NCOA2: variants seen among roughly 807,000 people sequenced by gnomAD.
The protein encoded by NCOA2 is class E basic helix-loop-helix protein 75.
Under a neutral mutation model 145.1 loss-of-function variants are expected in NCOA2, and 21 were observed. That is an observed-to-expected ratio of 0.14 (90% CI 0.10 to 0.21). The LOEUF is 0.21. Among genes scored for constraint, NCOA2 ranks in the 10% least tolerant of loss-of-function variants. NCOA2 has a pLI of 1.00. For synonymous variants in NCOA2, 619 were observed against 637.5 expected, an observed-to-expected ratio of 0.97 and a Z score of 0.44; for missense variants, 1,472 against 1,837.6, an observed-to-expected ratio of 0.80 and a Z score of 3.64.
the NCOA2 span, among the ~76,000 whole-genome samples, chr8:70,422,613 G>C: frequency 6.6e-6 from 1 of 151,948 alleles, no homozygotes; most frequent in South Asian, 2.1e-4. Flanking sequence ...GTCTTACTAT[G>C]TTGCCTAGGA....
chr8:70,220,577 A>G (rs1266805098), intron 2 of NCOA2, among the ~76,000 whole-genome samples: 1 of 152,240 alleles, frequency 6.6e-6, no homozygotes, highest in East Asian at 1.9e-4. Context: ...ATCTCTAAAA[A>G]GTAACAATAT....
chr8:70,121,421 C>T (rs781204883), intron 21 of NCOA2, 30 bp from the exon 22 acceptor site: 48 of 1,558,594 alleles, frequency 3.1e-5, no homozygotes, highest in South Asian at 9.1e-5. Flanking sequence ...ACAGTGGCTA[C>T]GCAGAGCAGA....
chr8:70,165,066 T>C (rs1006338853), intron 7 of NCOA2, among the ~76,000 whole-genome samples: 1 of 152,216 alleles, frequency 6.6e-6, no homozygotes, highest in Non-Finnish European at 1.5e-5. Flanking sequence ...CTTTTAAATG[T>C]ACAAAAAATG....
At chr8:70,280,139 A>G (rs1825763993) in intron 2 of NCOA2, among the ~76,000 whole-genome samples, 1 of 152,168 alleles carries the variant, frequency 6.6e-6, no homozygotes, top group Non-Finnish European at 1.5e-5. Context: ...TATAGTTTAA[A>G]GCTCAGACAA....
chr8:70,287,272 A>AATTC (rs1360698310), intron 2 of NCOA2, among the ~76,000 whole-genome samples: 3 of 152,076 alleles, frequency 2.0e-5, no homozygotes, highest in Non-Finnish European at 4.4e-5. Context: ...TTAATTAATT[A>AATTC]ATTAGGTTTT....
At chr8:70,246,419 C>T (rs1000069842) in intron 2 of NCOA2, among the ~76,000 whole-genome samples, 3 of 151,976 alleles carry the variant, frequency 2.0e-5, no homozygotes, top group African/African-American at 7.3e-5. Context: ...ATGCTGTACA[C>T]GAGGAGACTA....
chr8:70,331,830 CA>C (rs1807133962), intron 1 of NCOA2, among the ~76,000 whole-genome samples: 1 of 152,098 alleles, frequency 6.6e-6, no homozygotes, highest in Non-Finnish European at 1.5e-5. Flanking sequence ...ACAGTCCCAG[CA>C]AAGGCAGTAT....
chr8:70,410,708 T>C, the NCOA2 span, among the ~76,000 whole-genome samples: 2 of 152,190 alleles, frequency 1.3e-5, no homozygotes, highest in Non-Finnish European at 2.9e-5. Flanking sequence ...ATTCGTACAA[T>C]GGAATAGTAC....
the NCOA2 span, among the ~76,000 whole-genome samples, chr8:70,454,941 A>G: frequency 6.6e-6 from 1 of 152,254 alleles, no homozygotes; most frequent in African/African-American, 2.4e-5. Context: ...TGATGGTGAA[A>G]TTGAAGTTAA....
chr8:70,288,795 C>T (rs1461886536), intron 2 of NCOA2, among the ~76,000 whole-genome samples: 2 of 152,254 alleles, frequency 1.3e-5, no homozygotes, highest in African/African-American at 4.8e-5. Flanking sequence ...GACTTTGATA[C>T]GCAATATGTC....
At chr8:70,386,421 A>C (rs777007151) in intron 1 of NCOA2, among the ~76,000 whole-genome samples, 1 of 152,216 alleles carries the variant, frequency 6.6e-6, no homozygotes, top group Non-Finnish European at 1.5e-5. Flanking sequence ...CTGGGGAAGC[A>C]GCATCATTCT....
At chr8:70,242,546 A>G (rs1822233145) in intron 2 of NCOA2, among the ~76,000 whole-genome samples, 1 of 152,138 alleles carries the variant, frequency 6.6e-6, no homozygotes, top group Non-Finnish European at 1.5e-5. Context: ...AAGCCAACTG[A>G]TTCTAAACCT....
rs564872171 is a variant in NCOA2, at chr8:70,156,421, T to C, written c.1944A>G (p.Lys648=). 7.4e-6 allele frequency: 12 copies of C among 1,613,890 alleles called. No individual in the cohort carries two copies. The South Asian group carries it at 1.3e-4, about 18-fold the overall frequency. The part of the protein sequence containing the change: ...QTKLLQLLTT[K]SDQMEPSPLA... Reference sequence around the variant, plus strand: ...AGGGCGAGGGCTCCATCTGATCAGATTTGGTGGTCAGCAGCTGCAGGAGTT... The same window carrying C: ...AGGGCGAGGGCTCCATCTGATCAGACTTGGTGGTCAGCAGCTGCAGGAGTT... The change falls in exon 11 of 23, where the codon AAA becomes AAG. Residue 648 remains lysine, a synonymous_variant. Transcript: ENST00000452400.
intron 1 of NCOA2, among the ~76,000 whole-genome samples, chr8:70,307,890 CTTAA>C (rs1383745023): frequency 1.3e-5 from 2 of 152,022 alleles, no homozygotes; most frequent in African/African-American, 4.8e-5. Context: ...TTTTATAGGT[CTTAA>C]TTAAACTAAA....
At chr8:70,119,962 A>C (rs11995219) in intron 22 of NCOA2, among the ~76,000 whole-genome samples, 36,465 of 151,468 alleles carry the variant, frequency 0.24, 5,478 homozygotes, top group East Asian at 0.57. Flanking sequence ...CTCCACCTCC[A>C]AAGTATAAGT....
rs750047473 is a variant in NCOA2, at chr8:70,148,287, C to T, written c.2591G>A (p.Arg864Gln). ...TPVGAQKTAL[R>Q]ISQSTFNNPR... ...CTCATACTCACTGCTCTGTGAAATTCGCAGTGCTGTTTTCTGGGCTCCAAC... is the reference window on the plus strand; with the variant it reads ...CTCATACTCACTGCTCTGTGAAATTTGCAGTGCTGTTTTCTGGGCTCCAAC... The change falls in exon 12 of 23, where the codon CGA (arginine) becomes CAA (glutamine). Residue 864 changes from arginine (R) to glutamine (Q), a missense_variant. Arg to Gln is a conservative substitution (Grantham distance 43, BLOSUM62 1). Transcript: ENST00000452400. 13 of 1,613,788 alleles carry T rather than the reference C, an allele frequency of 8.1e-6. No individual in the cohort carries two copies. The highest frequency in any genetic ancestry group is 1.7e-5 in the Admixed American group (1 of 60,018).
chr8:70,366,299 C>A (rs35386521), intron 1 of NCOA2, among the ~76,000 whole-genome samples: 15,953 of 152,030 alleles, frequency 0.1, 1,275 homozygotes, highest in East Asian at 0.41. Context: ...AAAGTATGTT[C>A]TCAACTGTTA....
At chr8:70,342,311 A>G (rs1808208952) in intron 1 of NCOA2, among the ~76,000 whole-genome samples, 1 of 152,220 alleles carries the variant, frequency 6.6e-6, no homozygotes, top group African/African-American at 2.4e-5. Context: ...ACCCTAAGGC[A>G]GTCCTTTGAG....
chr8:70,374,951 A>C (rs1811541977), intron 1 of NCOA2, among the ~76,000 whole-genome samples: 1 of 147,760 alleles, frequency 6.8e-6, no homozygotes, highest in African/African-American at 2.7e-5. Flanking sequence ...TAAGGAAAAC[A>C]ATTATATATA....
Sources: allele counts gnomAD v4.1 joint callset (sites outside exome capture counted in the v4.1 genomes callset), GRCh38; gene constraint gnomAD v4.1.1; transcripts MANE v1.5; gene names NCBI Gene and HGNC (gene_info 2026-07-23, HGNC 2026-07-21).